Variants in CEP70 observed in about 807,000 individuals in gnomAD.
CEP70 encodes centrosomal protein of 70 kDa.
Under a neutral mutation model 90.9 loss-of-function variants are expected in CEP70, and 70 were observed. That is an observed-to-expected ratio of 0.77 (90% CI 0.64 to 0.94). The LOEUF is 0.94. CEP70 is among the 40% of genes least tolerant of loss of function. The pLI is 0.00. For missense variants in CEP70, 648 were observed against 669.0 expected, an observed-to-expected ratio of 0.97 and a Z score of 0.35; for synonymous variants, 220 against 228.3, an observed-to-expected ratio of 0.96 and a Z score of 0.33.
chr3:138,528,699 A>G (rs912706354), intron 10 of CEP70, among the ~76,000 whole-genome samples: 1 of 151,826 alleles, frequency 6.6e-6, no homozygotes, highest in Non-Finnish European at 1.5e-5. Flanking sequence ...ACAAAAAATT[A>G]AAAAATTAGA....
At chr3:138,535,510 A>G (rs1560356483) in intron 7 of CEP70, among the ~76,000 whole-genome samples, 1 of 152,310 alleles carries the variant, frequency 6.6e-6, no homozygotes, top group East Asian at 1.9e-4. Flanking sequence ...TGTGTGCCCT[A>G]TTACTTAGCC....
intron 6 of CEP70, among the ~76,000 whole-genome samples, chr3:138,565,038 T>G (rs1488797374): frequency 6.6e-6 from 1 of 152,170 alleles, no homozygotes; most frequent in African/African-American, 2.4e-5. Flanking sequence ...TCACAAGCAT[T>G]CCTATACACC....
In CEP70 at chr3:138,533,431, A is replaced by G. The variant is rs190143940; in HGVS notation, c.636-861T>C. ...TTTTACTTTTGTCTAAAAAGAAAAG[A>G]AAAAAGTTAGATGTGAATATGTATA... On this transcript the variant is annotated intron_variant, in intron 7 of 17. Coordinates refer to ENST00000264982, the MANE Select transcript of CEP70 (RefSeq NM_024491.4). Among the ~76,000 whole-genome samples the G allele has an allele frequency of 2.0e-5, 3 of 152,354 alleles. No individual in the cohort carries two copies. The East Asian group carries it at 5.8e-4, about 29-fold the overall frequency.
chr3:138,578,276 C>G (rs2041662446), intron 2 of CEP70, among the ~76,000 whole-genome samples: 1 of 152,114 alleles, frequency 6.6e-6, no homozygotes, highest in Non-Finnish European at 1.5e-5. Context: ...GGAGGGCAAA[C>G]CACTAACGGC....
intron 7 of CEP70, chr3:138,536,808 C>A (rs2038302828): frequency 6.6e-6 from 1 of 150,996 alleles, no homozygotes; most frequent in South Asian, 2.1e-4. Context: ...TGGTTCTTTC[C>A]ACTAAAAACT....
intron 2 of CEP70, among the ~76,000 whole-genome samples, chr3:138,589,904 A>C (rs1264521018): frequency 6.6e-6 from 1 of 152,192 alleles, no homozygotes; most frequent in Admixed American, 6.5e-5. Flanking sequence ...CTCAGACAAT[A>C]TTACTTCCCG....
At chr3:138,552,721 G>A (rs982314904) in intron 6 of CEP70, among the ~76,000 whole-genome samples, 2 of 152,022 alleles carry the variant, frequency 1.3e-5, no homozygotes, top group African/African-American at 4.8e-5. Context: ...ACACCAAAAA[G>A]TCTGAAAGAA....
rs1165803802 is a variant in CEP70, at chr3:138,571,099, C to A, written c.219G>T (p.Leu73Phe). ...SQRMRQNLKL[L>F]VEETSCQQNM... ...TCTGTTGACATGATGTTTCTTCCACCAACAATTTCAAATTCTGTCTCATCC... is the reference window on the plus strand; with the variant it reads ...TCTGTTGACATGATGTTTCTTCCACAAACAATTTCAAATTCTGTCTCATCC... The change falls in exon 5 of 18, where the codon TTG becomes TTT. Residue 73 changes from leucine to phenylalanine, a missense_variant. Physicochemically the swap from Leu to Phe is conservative, Grantham distance 22. Coordinates refer to ENST00000264982, the MANE Select transcript of CEP70 (RefSeq NM_024491.4). The A allele has an allele frequency of 1.2e-6, 2 of 1,604,910 alleles. No individual in the cohort carries two copies. Among genetic ancestry groups the A allele is most frequent in the Non-Finnish European group, 1.7e-6 (2 of 1,173,082 alleles).
chr3:138,534,339 A>G (rs1008766720), intron 7 of CEP70, among the ~76,000 whole-genome samples: 14 of 152,144 alleles, frequency 9.2e-5, no homozygotes, highest in African/African-American at 3.1e-4. Context: ...AGCCTTCCGC[A>G]TCTTAACATA....
intron 12 of CEP70, among the ~76,000 whole-genome samples, chr3:138,507,661 AAC>A (rs1402690297): frequency 6.6e-6 from 1 of 152,186 alleles, no homozygotes; most frequent in Non-Finnish European, 1.5e-5. Context: ...AGAGACTGCA[AAC>A]ACAAATGCCC....
At chr3:138,496,769 C>T (rs2033982253) in intron 17 of CEP70, 4 of 985,430 alleles carry the variant, frequency 4.1e-6, no homozygotes, top group Non-Finnish European at 4.8e-6. Context: ...ACCAGAACTT[C>T]AACTTTGACC....
chr3:138,496,771 A>G (rs984290706), intron 17 of CEP70: 2 of 985,446 alleles, frequency 2.0e-6, no homozygotes, highest in Non-Finnish European at 2.4e-6. Flanking sequence ...CAGAACTTCA[A>G]CTTTGACCAA....
intron 17 of CEP70, chr3:138,497,225 A>G (rs1300923533): frequency 1.6e-6 from 2 of 1,245,750 alleles, no homozygotes; most frequent in Non-Finnish European, 2.1e-6. Context: ...ATATATTCTA[A>G]TTAGATACTT....
chr3:138,540,960 A>G (rs184383549), intron 6 of CEP70, among the ~76,000 whole-genome samples: 8 of 152,326 alleles, frequency 5.3e-5, no homozygotes, highest in Non-Finnish European at 8.8e-5. Flanking sequence ...GATGGAGCTG[A>G]ACGGCATTAT....
chr3:138,524,922 C>T (rs1356242409), intron 11 of CEP70, among the ~76,000 whole-genome samples: 3 of 152,062 alleles, frequency 2.0e-5, no homozygotes, highest in Admixed American at 6.6e-5. Context: ...GGGTATATAC[C>T]CAAAGGATAA....
At chr3:138,568,905 G>T (rs1388032216) in intron 6 of CEP70, among the ~76,000 whole-genome samples, 1 of 151,730 alleles carries the variant, frequency 6.6e-6, no homozygotes, top group Non-Finnish European at 1.5e-5. Context: ...CTTCAACCCG[G>T]GAGGCAGAGG....
chr3:138,592,579 G>T (rs1054295441), intron 1 of CEP70, among the ~76,000 whole-genome samples: 8 of 151,890 alleles, frequency 5.3e-5, no homozygotes, highest in African/African-American at 1.9e-4. Context: ...GGAGTCGGAG[G>T]GTAGGAGTTG....
intron 6 of CEP70, among the ~76,000 whole-genome samples, chr3:138,547,457 G>C (rs1475600624): frequency 6.6e-6 from 1 of 152,182 alleles, no homozygotes; most frequent in Non-Finnish European, 1.5e-5. Context: ...TTTGAGGTGT[G>C]ATAACAAAAC....
chr3:138,529,943 T>C lies in CEP70; in HGVS notation c.693-481A>G, dbSNP rs147456386. Among the ~76,000 whole-genome samples the C allele has an allele frequency of 7.2e-5, 11 of 152,360 alleles. No individual in the cohort carries two copies. The East Asian group carries it at 2.1e-3, about 29-fold the overall frequency. The stretch of plus-strand genomic sequence containing the variant: ...TTAATAGTCTTGGTTCAAGCCTTGA[T>C]AACACCACTAACTAGTTGTATTATT... On this transcript the variant is annotated intron_variant, in intron 8 of 17. Transcript: ENST00000264982.
Sources: allele counts gnomAD v4.1 joint callset (sites outside exome capture counted in the v4.1 genomes callset), GRCh38; gene constraint gnomAD v4.1.1; transcripts MANE v1.5; gene names NCBI Gene and HGNC (gene_info 2026-07-23, HGNC 2026-07-21).